The following NOC2L variants were observed in gnomAD, a reference collection of about 807,000 sequenced individuals.
The protein encoded by NOC2L is NOC2 like nucleolar associated transcriptional repressor.
NOC2L carries 101 observed loss-of-function variants against 94.2 expected under a neutral mutation model. That is an observed-to-expected ratio of 1.07 (90% CI 0.91 to 1.26). The LOEUF (loss-of-function observed/expected upper bound fraction) is 1.26, where lower values mean the gene tolerates loss of function less well. NOC2L is among the 50% of genes most tolerant of loss of function. NOC2L has a pLI of 0.00. For synonymous variants in NOC2L, 531 were observed against 413.4 expected (o/e 1.28, Z -3.45); for missense variants, 1,076 against 980.1 (o/e 1.10, Z -1.31).
intron 12 of NOC2L, among the ~76,000 whole-genome samples, chr1:949,046 A>ACAGCAAAG (rs1553161214): frequency 6.6e-5 from 10 of 151,388 alleles, no homozygotes; most frequent in African/African-American, 2.2e-4. Context: ...ACGCAGCAGC[A>ACAGCAAAG]ACAGCAAAGA....
intron 12 of NOC2L, among the ~76,000 whole-genome samples, chr1:949,641 AG>A (rs955593548): frequency 6.6e-6 from 1 of 152,220 alleles, no homozygotes; most frequent in African/African-American, 2.4e-5. Context: ...CAAGAGAGTA[AG>A]AAAGCACGTA....
Position 954,052 on chromosome 1 carries a change from C to T in NOC2L, c.729G>A (p.Trp243Ter). 2 of 1,610,272 alleles carry T rather than the reference C, an allele frequency of 1.2e-6. No individual in the cohort carries two copies. Among genetic ancestry groups the T allele is most frequent in the South Asian group, 1.1e-5 (1 of 90,846 alleles). Residue 243 changes from tryptophan to a stop codon, truncating the protein, a stop_gained, in exon 7 of 19, where the codon TGG (tryptophan) becomes TGA (stop). Coordinates refer to ENST00000327044, the MANE Select transcript of NOC2L (RefSeq NM_015658.4). LOFTEE classifies it high-confidence loss of function. ...CCTTGATGTCCACACGAAGCTTCCC[C>T]CAGAGCGGGCTGCTGGACGGCTGCA... ...RMLQPSSSPLWGKLRVDIKAY... is the reference protein window; with the variant it reads ...RMLQPSSSPL
chr1:957,120 G>A lies in NOC2L; in HGVS notation c.333C>T (p.His111=), dbSNP rs756369231. 2 of 1,614,080 alleles carry A rather than the reference G, an allele frequency of 1.2e-6. No homozygotes were observed. Among genetic ancestry groups the A allele is most frequent in the Non-Finnish European group, 1.7e-6 (2 of 1,180,038 alleles). ...TCACCTCCAGCACATCTGGCAGGGA[G>A]TGGAACGGCCCCTCTTCCTCCTCAG... is the stretch of plus-strand genomic sequence containing the variant. ...DSSEEEEGPF[H]SLPDVLEEAS... The change falls in exon 3 of 19, where the codon CAC becomes CAT. Residue 111 remains histidine, a synonymous_variant. Transcript: ENST00000327044.
At chr1:953,044 G>A (rs1473451188) in intron 9 of NOC2L, 131 bp downstream of exon 9, 7 of 656,314 alleles carry the variant, frequency 1.1e-5, no homozygotes, top group South Asian at 1.8e-5. Context: ...GTGATCCAAG[G>A]GCCCAGGTCT....
In NOC2L at chr1:946,354, T is replaced by C. The variant is rs74045012; in HGVS notation, c.1803+48A>G. 6.6e-3 allele frequency: 10,679 copies of C among 1,613,132 alleles called. 445 individuals carry two copies. In the African/African-American group the frequency reaches 0.1, roughly 16 times the overall value. On this transcript the variant is annotated intron_variant, in intron 15 of 18. Transcript: ENST00000327044. ...AAACCCCCACATGTAGCTGGGGCTA[T>C]ACCCTGGCAGGTGCCCTCAGGTGGC...
chr1:956,564 C>G (rs1188221688), intron 4 of NOC2L, among the ~76,000 whole-genome samples: 1 of 152,192 alleles, frequency 6.6e-6, no homozygotes, highest in Non-Finnish European at 1.5e-5. Flanking sequence ...AACAAAGGCA[C>G]AGTCCGTCCC....
chr1:951,362 T>A, intron 11 of NOC2L, 124 bp from the exon 12 acceptor site: 1 of 740,000 alleles, frequency 1.4e-6, no homozygotes. Context: ...ACAAGGCACG[T>A]CTGAACCCCA....
chr1:956,215 G>C lies in NOC2L; in HGVS notation c.487C>G (p.Gln163Glu). The change falls in exon 5 of 19, where the codon CAA (glutamine) becomes GAA (glutamate). Residue 163 changes from glutamine to glutamate, a missense_variant and splice_region_variant. Physicochemically the swap from Gln to Glu is conservative, Grantham distance 29. Transcript: ENST00000327044. ...MVERWKQAAK[Q>E]RLTPKLFHEV... ...TGGAACAGCTTTGGAGTGAGGCGTTGCTGAAGGAGCAAGAGTACCAGGGGC... is the reference window on the plus strand; with the variant it reads ...TGGAACAGCTTTGGAGTGAGGCGTTCCTGAAGGAGCAAGAGTACCAGGGGC... The C allele has an allele frequency of 6.2e-7, 1 of 1,613,350 alleles. No individual in the cohort carries two copies. Among genetic ancestry groups the C allele is most frequent in the South Asian group, 1.1e-5 (1 of 91,074 alleles).
chr1:945,288 G>A, intron 17 of NOC2L, 142 bp from the exon 18 acceptor site: 1 of 1,130,166 alleles, frequency 8.8e-7, no homozygotes, highest in Non-Finnish European at 1.2e-6. Flanking sequence ...CCCTGGGGAG[G>A]AACTGGGAGG....
chr1:945,768 C>T (rs961968090), intron 16 of NOC2L, 115 bp from the exon 17 acceptor site: 14 of 1,270,794 alleles, frequency 1.1e-5, no homozygotes, highest in Non-Finnish European at 1.3e-5. Flanking sequence ...ATTTCTAGTC[C>T]CCTCTGTTCC....
rs1642013389 is a variant in NOC2L, at chr1:944,259, C to CA, written c.*434dup. Reference sequence around the variant, plus strand: ...ATTTCTTTCGGTTTCGGATGCAAAACAAAAAATTTTAAAAGAAAATGTGAC... The same window carrying CA: ...ATTTCTTTCGGTTTCGGATGCAAAACAAAAAAATTTTAAAAGAAAATGTGAC... On this transcript the variant is annotated 3_prime_UTR_variant, in exon 19 of 19. Transcript: ENST00000327044. 1.4e-6 allele frequency: 2 copies of CA among 1,452,868 alleles called. No individual in the cohort carries two copies. The highest frequency in any genetic ancestry group is 2.7e-5 in the Admixed American group (1 of 37,158). The allele number at this position is 1,452,868 out of a possible 1,614,324, so 90.0% of individuals were successfully genotyped here. A position where few individuals can be genotyped will look rare whatever the true frequency, so the allele number is the denominator to read the frequency against.
In NOC2L at chr1:946,412, T is replaced by C. The variant is rs757974433; in HGVS notation, c.1793A>G (p.Gln598Arg). 6.2e-7 allele frequency: 1 copy of C among 1,613,574 alleles called. No individual in the cohort carries two copies. The change falls in exon 15 of 19, where the codon CAG (glutamine) becomes CGG (arginine). Residue 598 changes from glutamine (Q) to arginine (R), a missense_variant. Gln to Arg is a conservative substitution (Grantham distance 43). This residue lies in a region of NOC2L where 615 missense variants were observed against 577.4 expected (regional missense o/e 1.07). Transcript: ENST00000327044. ...RQRVSFGVSEQQAVEAWEKLT... is the reference protein window; with the variant it reads ...RQRVSFGVSERQAVEAWEKLT... The stretch of plus-strand genomic sequence containing the variant: ...CCAGGGCCCACTAACCACTGCCTGC[T>C]GCTCAGAGACGCCGAAGGAAACCCT...
In NOC2L at chr1:948,535, C is replaced by A. The variant is rs764049727; in HGVS notation, c.1512G>T (p.Val504=). 5.0e-6 allele frequency: 8 copies of A among 1,613,694 alleles called. No homozygotes were observed. Among genetic ancestry groups the A allele is most frequent in the Non-Finnish European group, 5.9e-6 (7 of 1,179,972 alleles). ...RMSSKPINFS[V]ILKLSNVNLQ... The stretch of plus-strand genomic sequence containing the variant: ...GGTTGACATTGGACAGCTTCAGGAT[C>A]ACGGAGAAGTTGATGGGCTTGGAGC... Residue 504 remains valine, a synonymous_variant, in exon 13 of 19, where the codon GTG becomes GTT. Coordinates refer to ENST00000327044, the MANE Select transcript of NOC2L (RefSeq NM_015658.4).
At position 952,282 on chromosome 1, in the gene NOC2L, C is replaced by T. The variant is rs112616376; in HGVS notation, c.1191+130G>A. The T allele has an allele frequency of 2.1e-5, 29 of 1,398,350 alleles. No individual in the cohort carries two copies. The East Asian group carries it at 2.4e-4, about 12-fold the overall frequency. The allele number at this position is 1,398,350 out of a possible 1,614,324, so 86.6% of individuals were successfully genotyped here. ...CCACCCTTCCCCCACCTGCAAGGAC[C>T]GACTGCACCAGGGTGCTGGGCTGTC... is the stretch of plus-strand genomic sequence containing the variant. On this transcript the variant is annotated intron_variant, in intron 10 of 18. Coordinates refer to ENST00000327044, the MANE Select transcript of NOC2L (RefSeq NM_015658.4).
At chr1:955,876 C>A in intron 6 of NOC2L, 47 bp downstream of exon 6, 2 of 1,502,184 alleles carry the variant, frequency 1.3e-6, no homozygotes, top group South Asian at 2.3e-5. Context: ...TGTGTGTGGT[C>A]CCGACCCACC....
In NOC2L at chr1:946,298, G is replaced by A. The variant is rs372527006; in HGVS notation, c.1804-12C>T. The stretch of plus-strand genomic sequence containing the variant: ...TTCTCCCAGGCTTCCTGGGGGGTTG[G>A]GGGAGTTCAGGGTCATGCCTCACCC... On this transcript the variant is annotated splice_polypyrimidine_tract_variant and intron_variant, in intron 15 of 18. Coordinates refer to ENST00000327044, the MANE Select transcript of NOC2L (RefSeq NM_015658.4). The A allele has an allele frequency of 1.8e-5, 29 of 1,612,518 alleles. No homozygotes were observed. In the African/African-American group the frequency reaches 3.5e-4, roughly 19 times the overall value.
intron 18 of NOC2L, 77 bp downstream of exon 18, chr1:944,980 G>GC (rs1388730407): frequency 1.0e-5 from 16 of 1,600,680 alleles, no homozygotes; most frequent in East Asian, 6.7e-5. Flanking sequence ...AGAGCCCCAC[G>GC]CCCCCCGCCC....
intron 18 of NOC2L, 72 bp downstream of exon 18, chr1:944,985 C>T: frequency 6.2e-7 from 1 of 1,605,622 alleles, no homozygotes; most frequent in Non-Finnish European, 8.5e-7. Context: ...CCCACGCCCC[C>T]CGCCCACGTG....
At position 952,519 on chromosome 1, in the gene NOC2L, A is replaced by G. The variant is rs763383836; in HGVS notation, c.1084T>C (p.Leu362=). The part of the protein sequence containing the change: ...LPFISFMQWT[L]TELLALEPGV... ...GGCTCCAGGGCCAGCAGCTCCGTCAAGGTCCACTGCATGAAACTGATGAAG... is the reference window on the plus strand; with the variant it reads ...GGCTCCAGGGCCAGCAGCTCCGTCAGGGTCCACTGCATGAAACTGATGAAG... The change falls in exon 10 of 19, where the codon TTG becomes CTG. Residue 362 remains leucine (L), a synonymous_variant. Coordinates refer to ENST00000327044, the MANE Select transcript of NOC2L (RefSeq NM_015658.4). 1 of 1,613,940 alleles carries G rather than the reference A, an allele frequency of 6.2e-7. No homozygotes were observed.
Sources: gnomAD v4.1 joint callset for allele counts (sites outside exome capture counted in the v4.1 genomes callset) on GRCh38, gnomAD v4.1.1 for gene constraint, gnomAD v4.1.1 regional missense constraint, MANE v1.5 for transcripts, NCBI Gene and HGNC (gene_info 2026-07-23, HGNC 2026-07-21) for gene names.